RRAS2: variants seen among roughly 807,000 people sequenced by gnomAD.
RRAS2 encodes RAS related 2.
Under a neutral mutation model 27.6 loss-of-function variants are expected in RRAS2, and 7 were observed. The observed-to-expected ratio is 0.25, with a 90% CI of 0.14 to 0.48. The LOEUF is 0.48. Among genes scored for constraint, RRAS2 ranks in the 20% least tolerant of loss-of-function variants. The pLI, the probability that RRAS2 is intolerant of heterozygous loss-of-function variation, is 0.99. For missense variants in RRAS2, 178 were observed against 256.2 expected (o/e 0.69, Z 2.08); for synonymous variants, 86 against 90.9 (o/e 0.95, Z 0.31).
At chr11:14,310,325 A>T (rs1230666746) in intron 1 of RRAS2, among the ~76,000 whole-genome samples, 2 of 152,214 alleles carry the variant, frequency 1.3e-5, no homozygotes, top group Non-Finnish European at 2.9e-5. Flanking sequence ...CTGAAGACAA[A>T]TTTGGGAGTC....
chr11:14,316,806 C>T (rs1241424151), intron 1 of RRAS2, among the ~76,000 whole-genome samples: 1 of 152,098 alleles, frequency 6.6e-6, no homozygotes, highest in Non-Finnish European at 1.5e-5. Flanking sequence ...TAAGATATCC[C>T]GAAAATTGTT....
intron 4 of RRAS2, among the ~76,000 whole-genome samples, chr11:14,291,435 C>T (rs1331830557): frequency 2.6e-5 from 4 of 151,930 alleles, no homozygotes; most frequent in Admixed American, 1.3e-4. Context: ...AGAGTAGACG[C>T]CATATAAATG....
chr11:14,288,782 T>C (rs1282352454), intron 4 of RRAS2, among the ~76,000 whole-genome samples: 1 of 152,196 alleles, frequency 6.6e-6, no homozygotes, highest in African/African-American at 2.4e-5. Context: ...CATCTAGTAC[T>C]ACATATTTCC....
chr11:14,296,527 T>A (rs1183094923), intron 1 of RRAS2, among the ~76,000 whole-genome samples: 1 of 152,200 alleles, frequency 6.6e-6, no homozygotes, highest in Non-Finnish European at 1.5e-5. Flanking sequence ...TCAGACCTAT[T>A]TGAATTAGCA....
chr11:14,293,124 A>AGT, intron 4 of RRAS2, among the ~76,000 whole-genome samples: 1 of 76,820 alleles, frequency 1.3e-5, no homozygotes. Flanking sequence ...AAACAAAACA[A>AGT]ATATATATAT....
chr11:14,324,929 T>C (rs191606212), intron 1 of RRAS2, among the ~76,000 whole-genome samples: 3 of 152,312 alleles, frequency 2.0e-5, no homozygotes, highest in Admixed American at 1.3e-4. Context: ...CTGGGATAAC[T>C]AGTTTATGCA....
At chr11:14,348,595 T>C (rs1315916741) in intron 1 of RRAS2, among the ~76,000 whole-genome samples, 1 of 152,230 alleles carries the variant, frequency 6.6e-6, no homozygotes, top group African/African-American at 2.4e-5. Flanking sequence ...AGTACTGCCT[T>C]ATTTATTTCA....
chr11:14,299,096 A>G (rs574338037), intron 1 of RRAS2, among the ~76,000 whole-genome samples: 1 of 152,376 alleles, frequency 6.6e-6, no homozygotes, highest in Non-Finnish European at 1.5e-5. Flanking sequence ...AGCAGGTAAA[A>G]TGAAATAATG....
intron 1 of RRAS2, among the ~76,000 whole-genome samples, chr11:14,340,408 A>G (rs1848679096): frequency 6.6e-6 from 1 of 152,056 alleles, no homozygotes; most frequent in Non-Finnish European, 1.5e-5. Flanking sequence ...GCCAAAAAAA[A>G]GTATTCTGAG....
At chr11:14,315,195 G>T (rs1554949341) in intron 1 of RRAS2, among the ~76,000 whole-genome samples, 2 of 152,156 alleles carry the variant, frequency 1.3e-5, no homozygotes, top group East Asian at 3.8e-4. Flanking sequence ...TTGGGGCAGG[G>T]AGCAACTTCA....
chr11:14,355,452 T>C (rs1849052327), intron 1 of RRAS2, among the ~76,000 whole-genome samples: 1 of 152,168 alleles, frequency 6.6e-6, no homozygotes, highest in African/African-American at 2.4e-5. Flanking sequence ...AAGGAGGAGG[T>C]AATGTACACA....
chr11:14,358,582 G>T lies in RRAS2; in HGVS notation c.108+181C>A. The stretch of plus-strand genomic sequence containing the variant: ...CGACGCCGCGCCCGGGAGGAGGCAG[G>T]AGCGCGACGCTGCGGCCGCAGGGCA... On this transcript the variant is annotated intron_variant, in intron 1 of 5. Coordinates refer to ENST00000256196, the MANE Select transcript of RRAS2 (RefSeq NM_012250.6). The surrounding 1 kb of genome is among the most constrained non-coding windows in gnomAD (Gnocchi z 5.1). 1.0e-6 allele frequency: 1 copy of T among 986,398 alleles called. No homozygotes were observed. Among genetic ancestry groups the T allele is most frequent in the Non-Finnish European group, 1.2e-6 (1 of 830,700 alleles). The allele number at this position is 986,398 out of a possible 1,614,324, so 61.1% of individuals were successfully genotyped here.
chr11:14,326,850 G>A (rs1848369346), intron 1 of RRAS2, among the ~76,000 whole-genome samples: 1 of 17,050 alleles, frequency 5.9e-5, no homozygotes, highest in African/African-American at 1.1e-4. Context: ...CACGAGGTCA[G>A]GAGATCGAGA....
At chr11:14,320,553 A>T (rs1298372965) in intron 1 of RRAS2, among the ~76,000 whole-genome samples, 2 of 152,248 alleles carry the variant, frequency 1.3e-5, no homozygotes, top group African/African-American at 2.4e-5. Context: ...ATGGAAACTC[A>T]TTAACACAGC....
intron 1 of RRAS2, among the ~76,000 whole-genome samples, chr11:14,351,730 CAA>C (rs781952372): frequency 8.0e-5 from 6 of 74,724 alleles, no homozygotes; most frequent in Admixed American, 3.0e-4. Flanking sequence ...AACTCCATCT[CAA>C]AAAAAAAAAA....
At chr11:14,328,977 TTATATA>T (rs1180184941) in intron 1 of RRAS2, among the ~76,000 whole-genome samples, 2 of 142,036 alleles carry the variant, frequency 1.4e-5, no homozygotes, top group Non-Finnish European at 3.0e-5. Context: ...ACACCAAATT[TTATATA>T]TATGTGTGTG....
At chr11:14,337,375 T>C (rs1475087281) in intron 1 of RRAS2, among the ~76,000 whole-genome samples, 2 of 152,054 alleles carry the variant, frequency 1.3e-5, no homozygotes. Context: ...ACAAGCCATA[T>C]CATCATGCCT....
At chr11:14,357,112 T>C (rs1849096622) in intron 1 of RRAS2, among the ~76,000 whole-genome samples, 1 of 152,116 alleles carries the variant, frequency 6.6e-6, no homozygotes, top group African/African-American at 2.4e-5. Flanking sequence ...AATGGTTTAA[T>C]ACCATTACTT....
At chr11:14,295,626 C>A (rs782283088) in intron 2 of RRAS2, 142 bp downstream of exon 2, 94 of 580,960 alleles carry the variant, frequency 1.6e-4, no homozygotes, top group Non-Finnish European at 2.2e-4. Context: ...GCAGACTCTT[C>A]AATCAAAACT....
Sources: allele counts gnomAD v4.1 joint callset (sites outside exome capture counted in the v4.1 genomes callset), GRCh38; gene constraint gnomAD v4.1.1; non-coding constraint Gnocchi (gnomAD v3.1); transcripts MANE v1.5; gene names NCBI Gene and HGNC (gene_info 2026-07-23, HGNC 2026-07-21).